The following CHIA variants were observed in gnomAD, a reference collection of about 807,000 sequenced individuals.
CHIA encodes chitinase acidic.
CHIA carries 47 observed loss-of-function variants against 53.5 expected under a neutral mutation model. That is an observed-to-expected ratio of 0.88 (90% CI 0.70 to 1.12). The LOEUF (loss-of-function observed/expected upper bound fraction) is 1.12. Ranked by LOEUF, CHIA falls within the 50% of genes most tolerant of loss-of-function variation. The pLI is 0.00. For synonymous variants in CHIA, 268 were observed against 222.2 expected (o/e 1.21, Z -1.83); for missense variants, 652 against 592.2 (o/e 1.10, Z -1.05).
intron 1 of CHIA, among the ~76,000 whole-genome samples, chr1:111,304,222 G>T (rs1236703722): frequency 6.6e-6 from 1 of 152,088 alleles, no homozygotes; most frequent in Non-Finnish European, 1.5e-5. Flanking sequence ...GGATTTCTTT[G>T]AGTTCATCTT....
intron 6 of CHIA, chr1:111,315,788 C>G (rs1000903412): frequency 4.3e-6 from 2 of 460,270 alleles, no homozygotes; most frequent in Admixed American, 2.3e-5. Flanking sequence ...GATCACACAA[C>G]TAGTAGGAAT....
chr1:111,313,017 T>A (rs984000761), intron 4 of CHIA, among the ~76,000 whole-genome samples: 1 of 152,210 alleles, frequency 6.6e-6, no homozygotes, highest in African/African-American at 2.4e-5. Context: ...GTATTCATTG[T>A]ATATAAAGAC....
chr1:111,313,695 A>G (rs74108972), intron 4 of CHIA, among the ~76,000 whole-genome samples: 3,011 of 152,124 alleles, frequency 0.02, 101 homozygotes, highest in African/African-American at 0.069. Context: ...TGCACTTTCC[A>G]GTCATATCCA....
intron 1 of CHIA, among the ~76,000 whole-genome samples, chr1:111,307,052 A>T (rs2101628332): frequency 6.6e-6 from 1 of 152,376 alleles, no homozygotes; most frequent in East Asian, 1.9e-4. Context: ...GCTAAATAGT[A>T]AATTTTAATA....
chr1:111,319,639 A>G (rs1212538757), intron 11 of CHIA, among the ~76,000 whole-genome samples, 171 bp downstream of exon 11: 6 of 152,210 alleles, frequency 3.9e-5, no homozygotes, highest in South Asian at 2.1e-4. Flanking sequence ...CATGTCAGGA[A>G]CATTGTGCAC....
At chr1:111,307,734 C>A (rs545508177) in intron 1 of CHIA, among the ~76,000 whole-genome samples, 1 of 151,866 alleles carries the variant, frequency 6.6e-6, no homozygotes, top group Admixed American at 6.6e-5. Context: ...CTCCGCCTCC[C>A]GGGTTCCAGC....
Position 111,320,219 on chromosome 1 carries a change from C to T in CHIA, c.1184C>T (p.Thr395Met), listed in dbSNP as rs1008709377. The change falls in exon 12 of 12, where the codon ACG becomes ATG. Residue 395 changes from threonine (T) to methionine (M), a missense_variant. By Grantham distance (81) the Thr-to-Met change is moderately conservative. Transcript: ENST00000369740. ...TTACTGCTGTATGTTTCAGGTTGCACGGCTCCAGCTCAGCCCATTGAGCCA... is the reference window on the plus strand; with the variant it reads ...TTACTGCTGTATGTTTCAGGTTGCATGGCTCCAGCTCAGCCCATTGAGCCA... ...KALGLQSASCTAPAQPIEPIT... is the reference protein window; with the variant it reads ...KALGLQSASCMAPAQPIEPIT... The T allele has an allele frequency of 5.6e-6, 9 of 1,612,986 alleles. No individual in the cohort carries two copies. Among genetic ancestry groups the T allele is most frequent in the African/African-American group, 2.7e-5 (2 of 74,904 alleles).
At position 111,312,333 on chromosome 1, in the gene CHIA, A is replaced by G. The variant is rs186163063; in HGVS notation, c.199A>G (p.Thr67Ala). 5 of 1,613,988 alleles carry G rather than the reference A, an allele frequency of 3.1e-6. No individual in the cohort carries two copies. Among genetic ancestry groups the G allele is most frequent in the Non-Finnish European group, 4.2e-6 (5 of 1,179,954 alleles). The change falls in exon 4 of 12, where the codon ACC (threonine) becomes GCC (alanine). Residue 67 changes from threonine to alanine, a missense_variant. By Grantham distance (58) the Thr-to-Ala change is moderately conservative. Transcript: ENST00000369740. ...AFAGRQNNEITTIEWNDVTLY... is the reference protein window; with the variant it reads ...AFAGRQNNEIATIEWNDVTLY... ...TGCTGGGAGGCAGAACAACGAGATC[A>G]CCACCATCGAATGGAATGATGTGAC...
chr1:111,318,758 G>A lies in CHIA; in HGVS notation c.915+80G>A, dbSNP rs369154968. 28 of 1,440,878 alleles carry A rather than the reference G, an allele frequency of 1.9e-5. No individual in the cohort carries two copies. In the East Asian group the frequency reaches 3.0e-4, roughly 15 times the overall value. 89.3% of individuals were successfully genotyped at this position (1,440,878 alleles called of 1,614,324 possible). On this transcript the variant is annotated intron_variant, in intron 9 of 11. Coordinates refer to ENST00000369740, the MANE Select transcript of CHIA (RefSeq NM_201653.4). ...GCTAGAATCTGCTGAAATCTTGAAT[G>A]TTCATTCTGTCTCCTACCTAAATGC...
chr1:111,306,165 T>C (rs1648169938), intron 1 of CHIA, among the ~76,000 whole-genome samples: 1 of 152,248 alleles, frequency 6.6e-6, no homozygotes, highest in Admixed American at 6.5e-5. Context: ...TGTTATTCCA[T>C]GTAATTCCAA....
chr1:111,305,937 T>C (rs1648145398), intron 1 of CHIA, among the ~76,000 whole-genome samples: 1 of 152,220 alleles, frequency 6.6e-6, no homozygotes, highest in South Asian at 2.1e-4. Flanking sequence ...ATTGCATTTA[T>C]AGAAACAAGT....
At chr1:111,298,164 T>A (rs1008199088) in intron 1 of CHIA, among the ~76,000 whole-genome samples, 1 of 152,288 alleles carries the variant, frequency 6.6e-6, no homozygotes, top group South Asian at 2.1e-4. Context: ...AACAACCCAC[T>A]GCCAATATTA....
At chr1:111,315,556 C>A (rs1420222021) in intron 6 of CHIA, 121 bp downstream of exon 6, 2 of 1,038,694 alleles carry the variant, frequency 1.9e-6, no homozygotes, top group Non-Finnish European at 2.8e-6. Flanking sequence ...ATTAGCATTG[C>A]AAAGAGTCTT....
intron 1 of CHIA, among the ~76,000 whole-genome samples, chr1:111,301,463 G>T (rs1397686086): frequency 6.6e-6 from 1 of 152,048 alleles, no homozygotes; most frequent in Non-Finnish European, 1.5e-5. Flanking sequence ...ACTTTGGGAG[G>T]CCGAGGTGGG....
In CHIA at chr1:111,311,689, G is replaced by T; in HGVS notation, c.26G>T (p.Gly9Val). Residue 9 changes from glycine to valine, a missense_variant and splice_region_variant, in exon 3 of 12, where the codon GGT becomes GTT. Gly to Val is a moderately radical substitution (Grantham distance 109). Coordinates refer to ENST00000369740, the MANE Select transcript of CHIA (RefSeq NM_201653.4). ...GTACATGCTTTTTCTTTCTATCCAG[G>T]TCTTGTCCTTATACTGAATTTGCAG... The part of the protein sequence containing the change: MTKLILLT[G>V]LVLILNLQLG... The T allele has an allele frequency of 6.2e-7, 1 of 1,613,916 alleles. No homozygotes were observed. Among genetic ancestry groups the T allele is most frequent in the Non-Finnish European group, 8.5e-7 (1 of 1,179,944 alleles).
chr1:111,292,702 T>C (rs1311296143), intron 1 of CHIA, among the ~76,000 whole-genome samples: 1 of 152,200 alleles, frequency 6.6e-6, no homozygotes, highest in Non-Finnish European at 1.5e-5. Flanking sequence ...CTTTTCATCA[T>C]GTAAAACTCC....
intron 1 of CHIA, among the ~76,000 whole-genome samples, chr1:111,304,513 A>G (rs1648019882): frequency 1.3e-5 from 2 of 152,078 alleles, no homozygotes; most frequent in African/African-American, 4.8e-5. Flanking sequence ...GTCAGTGCAA[A>G]TCTGCCCTTG....
In CHIA at chr1:111,315,354, C is replaced by T. The variant is rs140252614; in HGVS notation, c.399C>T (p.Asp133=). 2.2e-3 allele frequency: 3,475 copies of T among 1,613,908 alleles called. 5 individuals carry two copies. Among genetic ancestry groups the T allele is most frequent in the Non-Finnish European group, 2.1e-3 (2,475 of 1,179,952 alleles). The part of the protein sequence containing the change: ...VIKFLRQYEF[D]GLDFDWEYPG... ...AATTCCTGCGCCAGTATGAGTTTGACGGGCTGGACTTTGACTGGGAGTACC... is the reference window on the plus strand; with the variant it reads ...AATTCCTGCGCCAGTATGAGTTTGATGGGCTGGACTTTGACTGGGAGTACC... Residue 133 remains aspartate (D), a synonymous_variant, in exon 6 of 12, where the codon GAC becomes GAT. Coordinates refer to ENST00000369740, the MANE Select transcript of CHIA (RefSeq NM_201653.4).
intron 1 of CHIA, among the ~76,000 whole-genome samples, chr1:111,302,826 A>G (rs1647869170): frequency 6.6e-6 from 1 of 152,090 alleles, no homozygotes; most frequent in African/African-American, 2.4e-5. Context: ...TGGTTGTTGT[A>G]TTCATTACTG....
Sources: allele counts gnomAD v4.1 joint callset (sites outside exome capture counted in the v4.1 genomes callset), GRCh38; gene constraint gnomAD v4.1.1; transcripts MANE v1.5; gene names NCBI Gene and HGNC (gene_info 2026-07-23, HGNC 2026-07-21).